The following FBXL13 variants were observed in gnomAD, a reference collection of about 807,000 sequenced individuals.
FBXL13 encodes the protein F-box and leucine rich repeat protein 13.
In FBXL13, 67 loss-of-function variants were observed where a neutral mutation model predicts 83.6. The observed-to-expected ratio is 0.80, with a 90% confidence interval of 0.66 to 0.98. The LOEUF (loss-of-function observed/expected upper bound fraction) is 0.98, where lower values mean the gene tolerates loss of function less well. Among genes scored for constraint, FBXL13 ranks in the 50% least tolerant of loss-of-function variants. The probability of loss-of-function intolerance (pLI) is 0.00; values close to 1 mark genes in which losing one functional copy is unlikely to be tolerated. For synonymous variants in FBXL13, 272 were observed against 299.5 expected (o/e 0.91, Z 0.95); for missense variants, 822 against 866.5 (o/e 0.95, Z 0.64).
At chr7:103,054,990 A>T (rs1298297849) in intron 2 of FBXL13, 98 bp downstream of exon 3, 1 of 674,014 alleles carries the variant, frequency 1.5e-6, no homozygotes, top group East Asian at 6.7e-5. Context: ...CAACAAAAAC[A>T]GTCTGACCTC....
In FBXL13 at chr7:102,990,467, T is replaced by C. The variant is rs544640432; in HGVS notation, c.496-22350A>G. ...TAGTGGAGCTGAAAAGAAAACATCATTTTTCATTCGATCATTCAACCAATA... is the reference window on the plus strand; with the variant it reads ...TAGTGGAGCTGAAAAGAAAACATCACTTTTCATTCGATCATTCAACCAATA... On this transcript the variant is annotated intron_variant, in intron 6 of 19. Coordinates refer to ENST00000313221, the Ensembl canonical transcript of FBXL13. Among the ~76,000 whole-genome samples the C allele has an allele frequency of 3.2e-4, 49 of 152,310 alleles. 1 individual carries two copies. The South Asian group carries it at 9.3e-3, about 29-fold the overall frequency.
intron 19 of FBXL13, 83 bp downstream of exon 20, chr7:102,821,957 T>C: frequency 2.2e-6 from 3 of 1,364,946 alleles, no homozygotes; most frequent in Non-Finnish European, 3.1e-6. Context: ...AAAGCTGCTA[T>C]GTATTATGAA....
chr7:102,823,814 C>T (rs908055865), intron 18 of FBXL13, among the ~76,000 whole-genome samples: 5 of 152,162 alleles, frequency 3.3e-5, no homozygotes, highest in East Asian at 1.9e-4. Context: ...GAAAAAGAGA[C>T]GTTGCCATTG....
intron 17 of FBXL13, among the ~76,000 whole-genome samples, chr7:102,853,351 C>T (rs149921860): frequency 2.6e-5 from 4 of 152,280 alleles, no homozygotes; most frequent in African/African-American, 9.6e-5. Context: ...GTGAATTAAT[C>T]AGTTTTCAAA....
rs1233370689 is a variant in FBXL13 at position 103,055,317 on chromosome 7, T to G, written c.-1+327A>C. On this transcript the variant is annotated intron_variant, in intron 2 of 19. Transcript: ENST00000313221. ...TCCCCTTAGGAGAAGCAGATCAGAA[T>G]CACCTGGAGGACTTTTTCAAACTAC... 9.0e-6 allele frequency: 4 copies of G among 443,626 alleles called. No individual in the cohort carries two copies. The Admixed American group carries it at 1.6e-4, about 18-fold the overall frequency. The allele number at this position is 443,626 out of a possible 1,614,324, so 27.5% of individuals were successfully genotyped here. A position where few individuals can be genotyped will look rare whatever the true frequency, so the allele number is the denominator to read the frequency against.
At chr7:103,010,196 C>A (rs1198054132) in intron 6 of FBXL13, among the ~76,000 whole-genome samples, 4 of 152,036 alleles carry the variant, frequency 2.6e-5, no homozygotes, top group Admixed American at 2.6e-4. Flanking sequence ...CAACCCCACC[C>A]ACCCCCGCCA....
intron 6 of FBXL13, among the ~76,000 whole-genome samples, chr7:102,996,277 G>C (rs1789778004): frequency 6.6e-6 from 1 of 152,174 alleles, no homozygotes; most frequent in Admixed American, 6.5e-5. Flanking sequence ...GCTAGACTGT[G>C]GGTGCTGTGG....
At chr7:103,018,580 T>G (rs1792685165) in intron 6 of FBXL13, among the ~76,000 whole-genome samples, 1 of 151,994 alleles carries the variant, frequency 6.6e-6, no homozygotes, top group South Asian at 2.1e-4. Flanking sequence ...AGGAAACCAA[T>G]TTCACATGCA....
chr7:103,053,400 G>A (rs1057253155), intron 2 of FBXL13, among the ~76,000 whole-genome samples: 8 of 152,088 alleles, frequency 5.3e-5, no homozygotes, highest in African/African-American at 1.4e-4. Context: ...TGATCCACCT[G>A]CCTCGGCCTC....
chr7:103,038,630 G>A (rs977912624), intron 2 of FBXL13, among the ~76,000 whole-genome samples: 3 of 152,184 alleles, frequency 2.0e-5, no homozygotes, highest in Non-Finnish European at 4.4e-5. Flanking sequence ...GGATCAGGCA[G>A]CAATATTTGC....
chr7:102,877,578 G>A, exon 16 of FBXL13: 1 of 1,608,004 alleles, frequency 6.2e-7, no homozygotes, highest in East Asian at 2.2e-5. Flanking sequence ...AACTCAAGTA[G>A]TTTAAATTAG....
At chr7:102,973,847 A>G (rs1450723065) in intron 6 of FBXL13, 1 of 702,106 alleles carries the variant, frequency 1.4e-6, no homozygotes, top group Admixed American at 2.0e-5. Flanking sequence ...TGAAAATCCA[A>G]CATTGGTCCA....
At chr7:102,881,434 C>T (rs1355579354) in intron 14 of FBXL13, among the ~76,000 whole-genome samples, 1 of 98,688 alleles carries the variant, frequency 1.0e-5, no homozygotes, top group African/African-American at 4.4e-5. Flanking sequence ...GAGACTCCAT[C>T]TCAAAAAAAA....
intron 19 of FBXL13, among the ~76,000 whole-genome samples, chr7:102,818,309 CCT>C (rs1798281997): frequency 6.6e-6 from 1 of 152,206 alleles, no homozygotes; most frequent in Non-Finnish European, 1.5e-5. Context: ...ATGATTAAGA[CCT>C]AGGTACAAAG....
chr7:102,958,656 A>G (rs1824693402), intron 8 of FBXL13, among the ~76,000 whole-genome samples: 5 of 152,012 alleles, frequency 3.3e-5, no homozygotes, highest in Admixed American at 2.6e-4. Flanking sequence ...CAAACATAAT[A>G]AATTGGTTAA....
At chr7:102,984,324 C>A (rs1356370957) in intron 6 of FBXL13, among the ~76,000 whole-genome samples, 1 of 152,118 alleles carries the variant, frequency 6.6e-6, no homozygotes, top group Non-Finnish European at 1.5e-5. Context: ...AGAAAAAGAA[C>A]CAAGAAGATA....
At chr7:103,005,875 C>A (rs961830868) in intron 6 of FBXL13, among the ~76,000 whole-genome samples, 1 of 151,978 alleles carries the variant, frequency 6.6e-6, no homozygotes, top group Admixed American at 6.6e-5. Flanking sequence ...AAGAAGAGAC[C>A]CATAGAAGGA....
At chr7:102,910,728 A>C (rs1437984622) in intron 11 of FBXL13, among the ~76,000 whole-genome samples, 2 of 152,184 alleles carry the variant, frequency 1.3e-5, no homozygotes, top group Non-Finnish European at 2.9e-5. Flanking sequence ...ACTCCTAACA[A>C]AATACAGGCG....
chr7:102,855,409 T>G (rs1805890202), intron 16 of FBXL13, among the ~76,000 whole-genome samples: 1 of 152,176 alleles, frequency 6.6e-6, no homozygotes, highest in African/African-American at 2.4e-5. Flanking sequence ...TTTTTTAATT[T>G]AAAAAAAGAG....
Sources: gnomAD v4.1 joint callset for allele counts (sites outside exome capture counted in the v4.1 genomes callset) on GRCh38, gnomAD v4.1.1 for gene constraint, MANE v1.5 for transcripts, NCBI Gene and HGNC (gene_info 2026-07-23, HGNC 2026-07-21) for gene names.